ICA1L: variants seen among roughly 807,000 people sequenced by gnomAD.
ICA1L encodes islet cell autoantigen 1 like, also known as islet cell autoantigen 1-like protein.
ICA1L carries 50 observed loss-of-function variants against 61.3 expected under a neutral mutation model. That is an observed-to-expected ratio of 0.82 (90% confidence interval 0.65 to 1.03). The LOEUF (loss-of-function observed/expected upper bound fraction) is 1.03, where lower values mean the gene tolerates loss of function less well. Ranked by LOEUF, ICA1L falls within the 50% of genes least tolerant of loss-of-function variation. The probability of loss-of-function intolerance (pLI) is 0.00; values close to 1 mark genes in which losing one functional copy is unlikely to be tolerated. For missense variants in ICA1L, 508 were observed against 556.7 expected, an observed-to-expected ratio of 0.91 and a Z score of 0.88; for synonymous variants, 161 against 191.3, an observed-to-expected ratio of 0.84 and a Z score of 1.31.
intron 1 of ICA1L, chr2:202,844,186 A>G (rs1380335834): frequency 6.6e-6 from 1 of 152,170 alleles, no homozygotes; most frequent in African/African-American, 2.4e-5. Flanking sequence ...TACCAGCCTC[A>G]GCAACAAAGT....
In ICA1L at chr2:202,779,332, C is replaced by CCAA; in HGVS notation, c.*198_*200dup. ...AGTTTCTAATATTTTCCACATAGTACCAACAGCTGCAAATCCAAGATATGA... is the reference window on the plus strand; with the variant it reads ...AGTTTCTAATATTTTCCACATAGTACCAACAACAGCTGCAAATCCAAGATATGA... On this transcript the variant is annotated 3_prime_UTR_variant, in exon 13 of 13. Transcript: ENST00000358299. 1 of 436,250 alleles carries CCAA rather than the reference C, an allele frequency of 2.3e-6. No homozygotes were observed. Among genetic ancestry groups the CCAA allele is most frequent in the Non-Finnish European group, 4.0e-6 (1 of 248,672 alleles). 27.0% of individuals were successfully genotyped at this position (436,250 alleles called of 1,614,324 possible).
Position 202,778,516 on chromosome 2 carries a change from C to T in ICA1L, c.*1017G>A, listed in dbSNP as rs1162679926. 1 of 152,048 alleles carries T rather than the reference C, an allele frequency of 6.6e-6. No individual in the cohort carries two copies. The highest frequency in any genetic ancestry group is 1.9e-4 in the East Asian group (1 of 5,186). The allele number at this position is 152,048 out of a possible 1,614,324, so 9.4% of individuals were successfully genotyped here. A position where few individuals can be genotyped will look rare whatever the true frequency, so the allele number is the denominator to read the frequency against. ...CACACAGAGCTTTCTGTATGTCTGC[C>T]AGAAAGTATTCTGGGTTAAATAATT... On this transcript the variant is annotated 3_prime_UTR_variant, in exon 13 of 13. Transcript: ENST00000358299.
At position 202,855,745 on chromosome 2, in the gene ICA1L, G is replaced by T. The variant is rs538318661; in HGVS notation, c.-8+15874C>A. Among the ~76,000 whole-genome samples, 6 of 152,170 alleles carry T rather than the reference G, an allele frequency of 3.9e-5. No homozygotes were observed. In the East Asian group the frequency reaches 1.2e-3, roughly 29 times the overall value. On this transcript the variant is annotated intron_variant, in intron 1 of 12. Transcript: ENST00000358299. ...TGAACCAGAGGTACAAAGAGGAGCT[G>T]GTACCATTCCTTCTGAAACTACTCC...
chr2:202,829,482 G>A (rs369421430), intron 1 of ICA1L, among the ~76,000 whole-genome samples: 1 of 152,050 alleles, frequency 6.6e-6, no homozygotes, highest in Non-Finnish European at 1.5e-5. Flanking sequence ...TCAGGGTCTC[G>A]TTCCATCGCT....
Position 202,849,334 on chromosome 2 carries a change from G to A in ICA1L, c.-7-20318C>T, listed in dbSNP as rs762179587. ...TGAGGCCAGGGAGCCAAGTGGTCTC[G>A]CTCAGTGGGTCCCACTCCCACAGAG... On this transcript the variant is annotated intron_variant, in intron 1 of 12. Transcript: ENST00000358299. This position sits in a 1 kb window ranked among gnomAD's most constrained non-coding sequence, Gnocchi z 4.5. 6.6e-6 allele frequency among the ~76,000 whole-genome samples: 1 copy of A among 152,174 alleles called. No individual in the cohort carries two copies. Among genetic ancestry groups the A allele is most frequent in the Non-Finnish European group, 1.5e-5 (1 of 68,022 alleles).
At chr2:202,837,536 G>A (rs965500745) in intron 1 of ICA1L, among the ~76,000 whole-genome samples, 1 of 151,990 alleles carries the variant, frequency 6.6e-6, no homozygotes, top group African/African-American at 2.4e-5. Flanking sequence ...CTCCCAAAGT[G>A]CTGGGATTAC....
intron 12 of ICA1L, among the ~76,000 whole-genome samples, chr2:202,783,382 A>G (rs569175401): frequency 5.6e-4 from 86 of 152,356 alleles, no homozygotes; most frequent in Non-Finnish European, 1.1e-3. Flanking sequence ...CAGGCTTAAC[A>G]TCACCAGAAG....
At chr2:202,816,122 G>A (rs1217877163) in intron 6 of ICA1L, 113 bp from the exon 7 acceptor site, 2 of 593,850 alleles carry the variant, frequency 3.4e-6, no homozygotes, top group African/African-American at 1.9e-5. Context: ...ATAAGAAGCA[G>A]GAACTAAATT....
intron 1 of ICA1L, among the ~76,000 whole-genome samples, chr2:202,853,132 G>T (rs1257301760): frequency 6.6e-6 from 1 of 152,028 alleles, no homozygotes; most frequent in African/African-American, 2.4e-5. Context: ...GCCGAGGCAG[G>T]TGGATCACAA....
rs1692141625 is a variant in ICA1L at position 202,774,201 on chromosome 2, G to A, written c.*5332C>T. The A allele has an allele frequency of 6.4e-7, 1 of 1,550,850 alleles. No individual in the cohort carries two copies. Among genetic ancestry groups the A allele is most frequent in the African/African-American group, 1.4e-5 (1 of 73,152 alleles). ...GAGAGCGGGCACACCAGGAACTCCA[G>A]CAGCGCCGGATCGAAGGCGCGGGGC... On this transcript the variant is annotated 3_prime_UTR_variant, in exon 13 of 13. Coordinates refer to ENST00000358299, the MANE Select transcript of ICA1L (RefSeq NM_001288622.3).
Position 202,849,211 on chromosome 2 carries a change from C to T in ICA1L, c.-7-20195G>A, listed in dbSNP as rs747395800. On this transcript the variant is annotated intron_variant, in intron 1 of 12. Coordinates refer to ENST00000358299, the MANE Select transcript of ICA1L (RefSeq NM_001288622.3). The surrounding 1 kb of genome is among the most constrained non-coding windows in gnomAD (Gnocchi z 4.5). Reference sequence around the variant, plus strand: ...AACCGGGTGGCTGTTTGGGCAGACACCGAGCTAGCTGCAGGAGGTTTTTGT... The same window carrying T: ...AACCGGGTGGCTGTTTGGGCAGACATCGAGCTAGCTGCAGGAGGTTTTTGT... 3.3e-5 allele frequency among the ~76,000 whole-genome samples: 5 copies of T among 152,190 alleles called. No individual in the cohort carries two copies. Among genetic ancestry groups the T allele is most frequent in the Non-Finnish European group, 5.9e-5 (4 of 68,038 alleles).
intron 1 of ICA1L, among the ~76,000 whole-genome samples, chr2:202,832,545 A>C (rs1694042973): frequency 6.6e-6 from 1 of 152,208 alleles, no homozygotes; most frequent in South Asian, 2.1e-4. Flanking sequence ...ATGCACAATA[A>C]ATGAACACAC....
At chr2:202,853,163 C>A (rs1425053722) in intron 1 of ICA1L, among the ~76,000 whole-genome samples, 1 of 151,948 alleles carries the variant, frequency 6.6e-6, no homozygotes, top group African/African-American at 2.4e-5. Context: ...TCGAGACCAT[C>A]CTGGCTAACA....
intron 1 of ICA1L, among the ~76,000 whole-genome samples, chr2:202,852,153 G>A (rs1694643648): frequency 6.6e-6 from 1 of 151,796 alleles, no homozygotes; most frequent in South Asian, 2.1e-4. Flanking sequence ...TAACATTTCA[G>A]TCTTTACTAT....
intron 2 of ICA1L, among the ~76,000 whole-genome samples, chr2:202,826,137 A>C (rs536960964): frequency 2.0e-5 from 3 of 152,306 alleles, no homozygotes; most frequent in East Asian, 3.9e-4. Flanking sequence ...TAACCTTACA[A>C]AGTATTAACT....
intron 1 of ICA1L, among the ~76,000 whole-genome samples, chr2:202,860,683 C>T (rs1265814913): frequency 1.3e-5 from 2 of 151,082 alleles, no homozygotes; most frequent in Non-Finnish European, 3.0e-5. Context: ...ACCCGGGACA[C>T]GGAGATTACA....
At chr2:202,798,166 T>A (rs567832899) in intron 9 of ICA1L, among the ~76,000 whole-genome samples, 102 of 152,340 alleles carry the variant, frequency 6.7e-4, no homozygotes, top group African/African-American at 2.3e-3. Flanking sequence ...ATTTTATTTA[T>A]CTGTTCATCT....
At chr2:202,857,485 T>C (rs957279671) in intron 1 of ICA1L, among the ~76,000 whole-genome samples, 1 of 152,092 alleles carries the variant, frequency 6.6e-6, no homozygotes, top group Non-Finnish European at 1.5e-5. Context: ...TCAAGATGGA[T>C]TAAAGACTTA....
At chr2:202,847,711 T>C in intron 1 of ICA1L, among the ~76,000 whole-genome samples, 1 of 54,110 alleles carries the variant, frequency 1.8e-5, no homozygotes, top group East Asian at 9.7e-4. Context: ...ATATATATAG[T>C]TAAGCAGTGA....
Sources: allele counts gnomAD v4.1 joint callset (sites outside exome capture counted in the v4.1 genomes callset), GRCh38; gene constraint gnomAD v4.1.1; non-coding constraint Gnocchi (gnomAD v3.1); transcripts MANE v1.5; gene names NCBI Gene and HGNC (gene_info 2026-07-23, HGNC 2026-07-21).